The following WIPF3 variants were observed in gnomAD, a reference collection of about 807,000 sequenced individuals.
WIPF3 encodes WAS/WASL-interacting protein family member 3.
In WIPF3, 33 loss-of-function variants were observed where a neutral mutation model predicts 38.9. The ratio of observed to expected loss-of-function variants is 0.85; its 90% CI spans 0.64 to 1.14. WIPF3 has a LOEUF of 1.14. Among genes scored for constraint, WIPF3 ranks in the 50% most tolerant of loss-of-function variants. The pLI is 0.00. For missense variants in WIPF3, 711 were observed against 652.5 expected (o/e 1.09, Z -0.98); for synonymous variants, 324 against 269.3 (o/e 1.20, Z -1.99).
chr7:29,909,757 A>G (rs1786469065), intron 8 of WIPF3, among the ~76,000 whole-genome samples: 1 of 151,962 alleles, frequency 6.6e-6, no homozygotes, highest in Admixed American at 6.6e-5. Context: ...TTAGCCAGAT[A>G]TGGTGGTGCG....
intron 7 of WIPF3, among the ~76,000 whole-genome samples, chr7:29,897,677 T>A (rs1266197488): frequency 2.0e-5 from 3 of 152,146 alleles, no homozygotes; most frequent in Non-Finnish European, 2.9e-5. Flanking sequence ...ATGGAATAGT[T>A]CATGTCATAA....
chr7:29,891,455 T>C (rs1186861182), intron 7 of WIPF3, among the ~76,000 whole-genome samples: 1 of 152,210 alleles, frequency 6.6e-6, no homozygotes, highest in Non-Finnish European at 1.5e-5. Flanking sequence ...CATTTAGAGA[T>C]ATAACCCTGT....
rs530086468 is a variant in WIPF3, at chr7:29,849,725, A to C, written c.90+14911A>C. 5.3e-5 allele frequency among the ~76,000 whole-genome samples: 8 copies of C among 152,324 alleles called. No homozygotes were observed. The South Asian group carries it at 1.0e-3, about 20-fold the overall frequency. ...GCTTTAAAAAAAAATTTGTGTGCAT[A>C]CACGTGTTTGTATTTCTTTATATAT... On this transcript the variant is annotated intron_variant, in intron 2 of 8. Coordinates refer to ENST00000242140, the MANE Select transcript of WIPF3 (RefSeq NM_001080529.3).
At chr7:29,851,444 A>G (rs1232953945) in intron 2 of WIPF3, among the ~76,000 whole-genome samples, 4 of 152,142 alleles carry the variant, frequency 2.6e-5, no homozygotes, top group African/African-American at 9.7e-5. Context: ...CTCATCTGGG[A>G]AAAACCCTGG....
At chr7:29,871,647 C>G (rs911490853) in intron 2 of WIPF3, among the ~76,000 whole-genome samples, 26 of 152,212 alleles carry the variant, frequency 1.7e-4, no homozygotes, top group African/African-American at 6.3e-4. Flanking sequence ...CTGGGCTGGA[C>G]TGTCATCTCC....
At chr7:29,875,798 A>G in intron 2 of WIPF3, 32 bp from the exon 3 acceptor site, 1 of 1,604,346 alleles carries the variant, frequency 6.2e-7, no homozygotes, top group Non-Finnish European at 8.5e-7. Context: ...TGAAAATGCT[A>G]CTATAGTCAA....
chr7:29,852,709 T>G (rs760055217), intron 2 of WIPF3, among the ~76,000 whole-genome samples: 1 of 152,206 alleles, frequency 6.6e-6, no homozygotes, highest in Non-Finnish European at 1.5e-5. Flanking sequence ...TTCTCTTTGC[T>G]GCCAAATGTA....
At chr7:29,848,362 T>C (rs1302775341) in intron 2 of WIPF3, among the ~76,000 whole-genome samples, 1 of 152,206 alleles carries the variant, frequency 6.6e-6, no homozygotes, top group Non-Finnish European at 1.5e-5. Context: ...GCTTCACCAG[T>C]AGCAGACCAA....
chr7:29,861,835 G>A (rs190964306), intron 2 of WIPF3, among the ~76,000 whole-genome samples: 3 of 152,296 alleles, frequency 2.0e-5, no homozygotes, highest in South Asian at 2.1e-4. Context: ...AGCTGCAAAT[G>A]TTTGCAATCA....
intron 1 of WIPF3, among the ~76,000 whole-genome samples, chr7:29,807,608 G>A (rs1668919299): frequency 6.6e-6 from 1 of 152,234 alleles, no homozygotes; most frequent in Non-Finnish European, 1.5e-5. Context: ...CGTGGGGACC[G>A]TGTGTGCGCC....
At chr7:29,876,605 G>GT (rs1485093756) in intron 3 of WIPF3, among the ~76,000 whole-genome samples, 2 of 152,158 alleles carry the variant, frequency 1.3e-5, no homozygotes, top group Non-Finnish European at 2.9e-5. Flanking sequence ...GACACACCAC[G>GT]TTTTGTGTAT....
chr7:29,902,271 C>CTTTTTTTTTT (rs1462394988), intron 7 of WIPF3, among the ~76,000 whole-genome samples: 1 of 106,488 alleles, frequency 9.4e-6, no homozygotes. Flanking sequence ...TCTTCTTCTT[C>CTTTTTTTTTT]TTCTTTTTTT....
At chr7:29,811,254 T>TATGATGATGATG (rs60111327) in intron 1 of WIPF3, among the ~76,000 whole-genome samples, 27 of 149,088 alleles carry the variant, frequency 1.8e-4, no homozygotes, top group East Asian at 5.9e-4. Context: ...AATTAGCCAT[T>TATGATGATGATG]ATGATGATGA....
intron 2 of WIPF3, among the ~76,000 whole-genome samples, chr7:29,863,326 A>G (rs1031273830): frequency 7.2e-5 from 11 of 152,112 alleles, no homozygotes; most frequent in African/African-American, 2.4e-4. Flanking sequence ...TTATTAATCT[A>G]TTCACCTCCT....
At chr7:29,901,671 TACCAAAA>T (rs1786278327) in intron 7 of WIPF3, among the ~76,000 whole-genome samples, 1 of 151,244 alleles carries the variant, frequency 6.6e-6, no homozygotes, top group South Asian at 2.1e-4. Flanking sequence ...CATTTTTTAC[TACCAAAA>T]ATATAAAAAA....
chr7:29,876,792 G>A lies in WIPF3; in HGVS notation c.223+830G>A, dbSNP rs552827835. On this transcript the variant is annotated intron_variant, in intron 3 of 8. Transcript: ENST00000242140. The stretch of plus-strand genomic sequence containing the variant: ...GAGGATGATATGACTGAAGCTTGCT[G>A]TCTTCTAGAATGTGACAGAGTAAAT... Among the ~76,000 whole-genome samples, 28 of 152,296 alleles carry A rather than the reference G, an allele frequency of 1.8e-4. No homozygotes were observed. The South Asian group carries it at 5.4e-3, about 29-fold the overall frequency.
intron 2 of WIPF3, among the ~76,000 whole-genome samples, chr7:29,866,976 C>T (rs970704106): frequency 1.8e-4 from 28 of 152,258 alleles, no homozygotes; most frequent in Non-Finnish European, 8.8e-5. Flanking sequence ...GTCTGCTTCA[C>T]CCTTGTGCCT....
Position 29,838,897 on chromosome 7 carries a change from A to G in WIPF3, c.90+4083A>G, listed in dbSNP as rs1784867206. Among the ~76,000 whole-genome samples, 3 of 152,220 alleles carry G rather than the reference A, an allele frequency of 2.0e-5. No homozygotes were observed. In the South Asian group the frequency reaches 6.2e-4, roughly 31 times the overall value. On this transcript the variant is annotated intron_variant, in intron 2 of 8. Transcript: ENST00000242140. ...TATTATACAGCAGTGAAAATGAATC[A>G]ACAATACATGCAACAATGTGGAGGA... is the stretch of plus-strand genomic sequence containing the variant.
At chr7:29,812,713 A>G (rs1450933987) in intron 1 of WIPF3, among the ~76,000 whole-genome samples, 2 of 152,184 alleles carry the variant, frequency 1.3e-5, no homozygotes, top group Non-Finnish European at 1.5e-5. Context: ...CATCACTCAA[A>G]TTAGGGCTTC....
Sources: allele counts gnomAD v4.1 joint callset (sites outside exome capture counted in the v4.1 genomes callset), GRCh38; gene constraint gnomAD v4.1.1; transcripts MANE v1.5; gene names NCBI Gene and HGNC (gene_info 2026-07-23, HGNC 2026-07-21).